Variants in UACA observed in about 807,000 individuals in gnomAD.
UACA encodes nuclear membrane binding protein.
Under a neutral mutation model 160.5 loss-of-function variants are expected in UACA, and 112 were observed. That is an observed-to-expected ratio of 0.70 (90% CI 0.60 to 0.82). The LOEUF (loss-of-function observed/expected upper bound fraction) is 0.82, where lower values mean the gene tolerates loss of function less well. Among genes scored for constraint, UACA ranks in the 40% least tolerant of loss-of-function variants. UACA has a pLI of 0.00. For synonymous variants in UACA, 557 were observed against 568.4 expected (o/e 0.98, Z 0.29); for missense variants, 1,574 against 1,614.6 (o/e 0.97, Z 0.43).
chr15:70,705,624 T>TAATAAACTATATCACAA lies in UACA; in HGVS notation c.79-5981_79-5965dup, dbSNP rs1444918832. 2.0e-5 allele frequency among the ~76,000 whole-genome samples: 3 copies of TAATAAACTATATCACAA among 152,148 alleles called. No homozygotes were observed. The East Asian group carries it at 5.8e-4, about 29-fold the overall frequency. On this transcript the variant is annotated intron_variant, in intron 1 of 18. Coordinates refer to ENST00000322954, the MANE Select transcript of UACA (RefSeq NM_018003.4). ...AAGAAATACAGGGGACAGAGAAATA[T>TAATAAACTATATCACAA]AATAAACTATATCACAAAGATTGCA...
At chr15:70,676,699 T>A (rs1374905571) in intron 12 of UACA, 108 bp from the exon 13 acceptor site, 1 of 821,640 alleles carries the variant, frequency 1.2e-6, no homozygotes, top group Non-Finnish European at 1.9e-6. Context: ...CTGGAGTTAA[T>A]GAATTCTCCA....
intron 17 of UACA, among the ~76,000 whole-genome samples, chr15:70,663,501 A>G (rs1259853800): frequency 6.6e-6 from 1 of 152,198 alleles, no homozygotes; most frequent in Non-Finnish European, 1.5e-5. Context: ...CAGCCATCCC[A>G]TTACTGGGTA....
chr15:70,682,617 A>G, intron 9 of UACA, 141 bp downstream of exon 9: 1 of 421,100 alleles, frequency 2.4e-6, no homozygotes, highest in Non-Finnish European at 4.1e-6. Context: ...AGTATCCAGA[A>G]TCTACACGGG....
chr15:70,687,764 T>C lies in UACA; in HGVS notation c.481A>G (p.Asn161Asp). The part of the protein sequence containing the change: ...QLLCDHGASV[N>D]AKDVDGRTPL... Reference sequence around the variant, plus strand: ...AACTAACTTACTACATCTTTGGCATTCACAGAGGCCCCATGGTCACAAAGC... The same window carrying C: ...AACTAACTTACTACATCTTTGGCATCCACAGAGGCCCCATGGTCACAAAGC... Residue 161 changes from asparagine to aspartate, a missense_variant, in exon 6 of 19, where the codon AAT (asparagine) becomes GAT (aspartate). Transcript: ENST00000322954. 1 of 1,613,814 alleles carries C rather than the reference T, an allele frequency of 6.2e-7. No individual in the cohort carries two copies.
At chr15:70,750,462 GCT>G (rs2029977422) in intron 1 of UACA, among the ~76,000 whole-genome samples, 1 of 151,972 alleles carries the variant, frequency 6.6e-6, no homozygotes, top group Admixed American at 6.5e-5. Context: ...CCTTCCCCCA[GCT>G]CTGAGCTCCG....
At chr15:70,717,213 C>T (rs1898847252) in intron 1 of UACA, among the ~76,000 whole-genome samples, 1 of 152,174 alleles carries the variant, frequency 6.6e-6, no homozygotes, top group African/African-American at 2.4e-5. Context: ...AAGAGCAAAA[C>T]TCTGTCTAAA....
chr15:70,685,054 C>T (rs1053984124), intron 7 of UACA, among the ~76,000 whole-genome samples: 1 of 152,146 alleles, frequency 6.6e-6, no homozygotes, highest in Non-Finnish European at 1.5e-5. Context: ...AGAATCCCTT[C>T]TCCTCCAAGA....
At chr15:70,688,788 T>C (rs1015409329) in intron 5 of UACA, among the ~76,000 whole-genome samples, 3 of 151,990 alleles carry the variant, frequency 2.0e-5, no homozygotes, top group African/African-American at 7.3e-5. Flanking sequence ...AATCCTAGAC[T>C]TTGAGCTAGA....
At chr15:70,657,209 G>T in intron 18 of UACA, 82 bp from the exon 19 acceptor site, 3 of 1,081,910 alleles carry the variant, frequency 2.8e-6, no homozygotes, top group Non-Finnish European at 4.2e-6. Context: ...CTTTTACAGA[G>T]CATAACTAGT....
rs1248362083 is a variant in UACA, at chr15:70,763,269, C to G, written c.78+61G>C. The G allele has an allele frequency of 7.7e-6, 10 of 1,294,352 alleles. No individual in the cohort carries two copies. In the Admixed American group the frequency reaches 2.9e-4, roughly 38 times the overall value. 80.2% of individuals were successfully genotyped at this position (1,294,352 alleles called of 1,614,324 possible). ...GGAAGGCGGCGCGCGAACTCGCCAGCAAAGGAGGGCTGCGCTGCTCCCGGA... is the reference window on the plus strand; with the variant it reads ...GGAAGGCGGCGCGCGAACTCGCCAGGAAAGGAGGGCTGCGCTGCTCCCGGA... On this transcript the variant is annotated intron_variant, in intron 1 of 18. Transcript: ENST00000322954.
chr15:70,691,268 A>G (rs772438253), intron 4 of UACA, 31 bp downstream of exon 4: 2 of 1,490,022 alleles, frequency 1.3e-6, no homozygotes, highest in Non-Finnish European at 9.2e-7. Flanking sequence ...TGTCAAAATA[A>G]TAAAGCTAAA....
At position 70,667,717 on chromosome 15, in the gene UACA, G is replaced by C. The variant is rs762286800; in HGVS notation, c.2967C>G (p.Val989=). 1 of 1,613,912 alleles carries C rather than the reference G, an allele frequency of 6.2e-7. No individual in the cohort carries two copies. Among genetic ancestry groups the C allele is most frequent in the East Asian group, 2.2e-5 (1 of 44,858 alleles). The change falls in exon 16 of 19, where the codon GTC becomes GTG. Residue 989 remains valine, a synonymous_variant. Coordinates refer to ENST00000322954, the MANE Select transcript of UACA (RefSeq NM_018003.4). ...ECIKVKYAPI[V]SFEECERKFK... Reference sequence around the variant, plus strand: ...ATTTTCTCTCGCACTCCTCAAAGCTGACAATTGGGGCGTATTTTACCTTAA... The same window carrying C: ...ATTTTCTCTCGCACTCCTCAAAGCTCACAATTGGGGCGTATTTTACCTTAA...
At chr15:70,745,020 C>T (rs1899657650) in intron 1 of UACA, among the ~76,000 whole-genome samples, 1 of 152,146 alleles carries the variant, frequency 6.6e-6, no homozygotes, top group African/African-American at 2.4e-5. Flanking sequence ...CATTGCTCTA[C>T]TCTATAATAA....
the UACA span, among the ~76,000 whole-genome samples, chr15:70,774,165 C>G: frequency 1.3e-5 from 2 of 152,148 alleles, no homozygotes; most frequent in African/African-American, 2.4e-5. Context: ...TTTTAATACT[C>G]CCAGCAAAGA....
the UACA span, among the ~76,000 whole-genome samples, chr15:70,777,148 C>T: frequency 7.2e-5 from 11 of 152,002 alleles, no homozygotes; most frequent in Non-Finnish European, 1.3e-4. Context: ...AAAATTAATG[C>T]GAAATGTGAG....
intron 9 of UACA, among the ~76,000 whole-genome samples, chr15:70,681,115 C>G (rs1897486380): frequency 6.6e-6 from 1 of 152,190 alleles, no homozygotes; most frequent in Non-Finnish European, 1.5e-5. Context: ...CTCTTCATCC[C>G]TTAATTCTGT....
At position 70,656,062 on chromosome 15, in the gene UACA, T is replaced by A. The variant is rs1000784435; in HGVS notation, c.*994A>T. On this transcript the variant is annotated 3_prime_UTR_variant, in exon 19 of 19. Coordinates refer to ENST00000322954, the MANE Select transcript of UACA (RefSeq NM_018003.4). ...TTGCTATCTATATACTCTTTCAGTT[T>A]ACTGTATTACTGTACTTTTCTCTAA... The A allele has an allele frequency of 2.6e-5, 4 of 152,216 alleles. No individual in the cohort carries two copies. The highest frequency in any genetic ancestry group is 7.2e-5 in the African/African-American group (3 of 41,464). 9.4% of individuals were successfully genotyped at this position (152,216 alleles called of 1,614,324 possible).
At chr15:70,699,350 A>C (rs1046407989) in intron 2 of UACA, among the ~76,000 whole-genome samples, 177 bp downstream of exon 2, 2 of 152,086 alleles carry the variant, frequency 1.3e-5, no homozygotes, top group Non-Finnish European at 2.9e-5. Context: ...TTCCCTCTCT[A>C]GACTGGAAAT....
chr15:70,702,096 C>A, intron 1 of UACA: 2 of 1,346,172 alleles, frequency 1.5e-6, no homozygotes, highest in Non-Finnish European at 1.9e-6. Flanking sequence ...GATCCTTCTC[C>A]GCCTTCATAA....
Sources: gnomAD v4.1 joint callset for allele counts (sites outside exome capture counted in the v4.1 genomes callset) on GRCh38, gnomAD v4.1.1 for gene constraint, MANE v1.5 for transcripts, NCBI Gene and HGNC (gene_info 2026-07-23, HGNC 2026-07-21) for gene names.